Variants in TIMMDC1 observed in about 807,000 individuals in gnomAD.
TIMMDC1 encodes the protein translocase of inner mitochondrial membrane domain containing 1, also known as complex I assembly factor TIMMDC1, mitochondrial.
Under a neutral mutation model 32.6 loss-of-function variants are expected in TIMMDC1, and 25 were observed. The ratio of observed to expected loss-of-function variants is 0.77; its 90% confidence interval spans 0.56 to 1.07. The LOEUF (loss-of-function observed/expected upper bound fraction) is 1.07, where lower values mean the gene tolerates loss of function less well. Ranked by LOEUF, TIMMDC1 falls within the 50% of genes least tolerant of loss-of-function variation. The pLI, the probability that TIMMDC1 is intolerant of heterozygous loss-of-function variation, is 0.00. For missense variants in TIMMDC1, 329 were observed against 349.2 expected (o/e 0.94, Z 0.46); for synonymous variants, 130 against 127.6 (o/e 1.02, Z -0.13).
intron 6 of TIMMDC1, among the ~76,000 whole-genome samples, chr3:119,519,148 A>G (rs957500640): frequency 6.6e-6 from 1 of 152,150 alleles, no homozygotes; most frequent in Non-Finnish European, 1.5e-5. Context: ...TTATAATTAC[A>G]AAAATCTACC....
chr3:119,516,112 T>C (rs2081984134), intron 5 of TIMMDC1, among the ~76,000 whole-genome samples: 1 of 152,218 alleles, frequency 6.6e-6, no homozygotes, highest in African/African-American at 2.4e-5. Flanking sequence ...AATAAACACA[T>C]AGCATAACAT....
intron 1 of TIMMDC1, among the ~76,000 whole-genome samples, chr3:119,499,275 A>AT (rs897998623): frequency 5.4e-5 from 8 of 149,386 alleles, no homozygotes; most frequent in African/African-American, 2.0e-4. Flanking sequence ...TTTTTAATGT[A>AT]TTTTTTATAG....
At chr3:119,519,035 TAAA>T (rs1189333696) in intron 6 of TIMMDC1, among the ~76,000 whole-genome samples, 1 of 152,162 alleles carries the variant, frequency 6.6e-6, no homozygotes, top group Non-Finnish European at 1.5e-5. Flanking sequence ...AAGAAATGCT[TAAA>T]GAACTCCTAC....
chr3:119,523,661 C>T lies in TIMMDC1; in HGVS notation c.763C>T (p.Gln255Ter). ...HLPEKIESSL[Q>*]EDEPENDAKK... The stretch of plus-strand genomic sequence containing the variant: ...CCCTGAGAAAATTGAAAGTAGTTTA[C>T]AGGAAGATGAACCTGAGAATGATGC... Residue 255 changes from glutamine to a stop codon, truncating the protein, a stop_gained, in exon 7 of 7, where the codon CAG (glutamine) becomes TAG (stop). Coordinates refer to ENST00000494664, the MANE Select transcript of TIMMDC1 (RefSeq NM_016589.4). LOFTEE classifies it high-confidence loss of function. 1 of 1,613,444 alleles carries T rather than the reference C, an allele frequency of 6.2e-7. No homozygotes were observed. The highest frequency in any genetic ancestry group is 8.5e-7 in the Non-Finnish European group (1 of 1,179,704).
At chr3:119,514,241 A>G (rs2081971916) in intron 5 of TIMMDC1, among the ~76,000 whole-genome samples, 1 of 152,208 alleles carries the variant, frequency 6.6e-6, no homozygotes. Context: ...TTGAAACCCC[A>G]TATACCCTTC....
At chr3:119,503,696 G>A in intron 3 of TIMMDC1, 76 bp downstream of exon 3, 1 of 1,236,738 alleles carries the variant, frequency 8.1e-7, no homozygotes, top group South Asian at 1.5e-5. Flanking sequence ...AGCAGGTGGG[G>A]TTATGAAAAC....
chr3:119,504,410 G>T (rs1178634607), intron 4 of TIMMDC1, among the ~76,000 whole-genome samples: 1 of 152,156 alleles, frequency 6.6e-6, no homozygotes, highest in Admixed American at 6.5e-5. Context: ...GTCCTAAATA[G>T]AGGGAACATC....
Position 119,518,137 on chromosome 3 carries a change from A to T in TIMMDC1, c.707+822A>T, listed in dbSNP as rs142281761. Among the ~76,000 whole-genome samples, 374 of 152,284 alleles carry T rather than the reference A, an allele frequency of 2.5e-3. 2 individuals carry two copies. The highest frequency in any genetic ancestry group is 7.5e-3 in the African/African-American group (313 of 41,548). ...GAACATGAAAACTTTCACCTATTGC[A>T]TCTAATCATCTCCTGGGATGCAATT... On this transcript the variant is annotated intron_variant, in intron 6 of 6. Coordinates refer to ENST00000494664, the MANE Select transcript of TIMMDC1 (RefSeq NM_016589.4).
chr3:119,503,771 A>C (rs2081897205), intron 3 of TIMMDC1, 151 bp downstream of exon 3: 2 of 811,202 alleles, frequency 2.5e-6, no homozygotes, highest in South Asian at 3.7e-5. Context: ...TTCTCTGTGT[A>C]AAAGACTGGT....
intron 6 of TIMMDC1, among the ~76,000 whole-genome samples, chr3:119,520,726 C>T (rs2082020582): frequency 6.6e-6 from 1 of 152,168 alleles, no homozygotes; most frequent in African/African-American, 2.4e-5. Context: ...CTTCCAAACT[C>T]ATTCTACAAG....
rs758275665 is a variant in TIMMDC1, at chr3:119,503,534, A to G, written c.363A>G (p.Gln121=). The G allele has an allele frequency of 7.5e-6, 12 of 1,604,158 alleles. No homozygotes were observed. Among genetic ancestry groups the G allele is most frequent in the South Asian group, 1.1e-5 (1 of 88,684 alleles). The change falls in exon 3 of 7, where the codon CAA becomes CAG. Residue 121 remains glutamine, a splice_region_variant and synonymous_variant. Transcript: ENST00000494664. ...CACAGTTTTTTAATTAACTTTAGCA[A>G]TCTGCACATCGTGCTGCCACACGAG... ...EIYHNRFDAV[Q]SAHRAATRGF...
At chr3:119,522,679 A>G (rs1452108722) in intron 6 of TIMMDC1, among the ~76,000 whole-genome samples, 1 of 152,182 alleles carries the variant, frequency 6.6e-6, no homozygotes, top group Non-Finnish European at 1.5e-5. Flanking sequence ...TACTTCATAA[A>G]TATGTACAAT....
At position 119,498,624 on chromosome 3, in the gene TIMMDC1, TG is replaced by T; in HGVS notation, c.-107del. The T allele has an allele frequency of 1.8e-6, 2 of 1,116,930 alleles. No individual in the cohort carries two copies. The highest frequency in any genetic ancestry group is 2.6e-6 in the Non-Finnish European group (2 of 765,860). 69.2% of individuals were successfully genotyped at this position (1,116,930 alleles called of 1,614,324 possible). On this transcript the variant is annotated 5_prime_UTR_variant, in exon 1 of 7. Transcript: ENST00000494664. ...CGAGCCCTCTGGCAGAGGGTTAACC[TG>T]GGTCAAATGCACGGATTCTCACCTC...
intron 1 of TIMMDC1, 151 bp downstream of exon 1, chr3:119,499,078 T>G: frequency 8.1e-6 from 5 of 615,624 alleles, no homozygotes; most frequent in Non-Finnish European, 1.4e-5. Flanking sequence ...CCCAAGCTTG[T>G]ATCTTTTTTC....
Position 119,498,684 on chromosome 3 carries a change from G to T in TIMMDC1, c.-50G>T. 1 of 1,568,952 alleles carries T rather than the reference G, an allele frequency of 6.4e-7. No individual in the cohort carries two copies. Among genetic ancestry groups the T allele is most frequent in the Non-Finnish European group, 8.7e-7 (1 of 1,143,866 alleles). On this transcript the variant is annotated 5_prime_UTR_variant, in exon 1 of 7. In the 5' UTR this introduces an upstream ATG that the reference lacks. Transcript: ENST00000494664. ...ACGCTCTCCCGCGGCACGTCCGCGA[G>T]GACTTGAAGTCCTGAGCGCTCAAGT...
At chr3:119,520,377 A>G (rs1408685776) in intron 6 of TIMMDC1, among the ~76,000 whole-genome samples, 1 of 152,122 alleles carries the variant, frequency 6.6e-6, no homozygotes, top group Non-Finnish European at 1.5e-5. Context: ...AAAAGACCCA[A>G]TTAAGGTAAA....
In TIMMDC1 at chr3:119,498,680, G is replaced by T; in HGVS notation, c.-54G>T. The stretch of plus-strand genomic sequence containing the variant: ...AGTTACGCTCTCCCGCGGCACGTCC[G>T]CGAGGACTTGAAGTCCTGAGCGCTC... On this transcript the variant is annotated 5_prime_UTR_variant, in exon 1 of 7. Transcript: ENST00000494664. The T allele has an allele frequency of 6.4e-7, 1 of 1,556,670 alleles. No homozygotes were observed. Among genetic ancestry groups the T allele is most frequent in the Non-Finnish European group, 8.8e-7 (1 of 1,134,054 alleles).
intron 4 of TIMMDC1, among the ~76,000 whole-genome samples, chr3:119,509,611 G>A (rs1056828157): frequency 2.0e-5 from 3 of 152,106 alleles, no homozygotes; most frequent in African/African-American, 4.8e-5. Flanking sequence ...ACAAATGGGC[G>A]TGGGGGATCT....
rs1560044666 is a variant in TIMMDC1, at chr3:119,500,701, G to C, written c.201G>C (p.Gln67His). 6.2e-7 allele frequency: 1 copy of C among 1,612,892 alleles called. No individual in the cohort carries two copies. Among genetic ancestry groups the C allele is most frequent in the Admixed American group, 1.7e-5 (1 of 59,806 alleles). ...TGTCTTTTTGATGTTGTAGTGAACA[G>C]CAGAGAATTTCAAAGGACCTTGCTA... ...RLRELFGKDE[Q>H]QRISKDLANI... The change falls in exon 2 of 7, where the codon CAG (glutamine) becomes CAC (histidine). Residue 67 changes from glutamine (Q) to histidine (H), a missense_variant. Coordinates refer to ENST00000494664, the MANE Select transcript of TIMMDC1 (RefSeq NM_016589.4).
Sources: allele counts gnomAD v4.1 joint callset (sites outside exome capture counted in the v4.1 genomes callset), GRCh38; gene constraint gnomAD v4.1.1; transcripts MANE v1.5; gene names NCBI Gene and HGNC (gene_info 2026-07-23, HGNC 2026-07-21).